The following ASCC1 variants were observed in gnomAD, a reference collection of about 807,000 sequenced individuals.
ASCC1 encodes ASC-1 complex subunit P50.
A neutral mutation model predicts 46.6 loss-of-function variants in ASCC1; 35 were observed. The ratio of observed to expected loss-of-function variants is 0.75; its 90% CI spans 0.57 to 0.99. The LOEUF (loss-of-function observed/expected upper bound fraction) is 0.99, where lower values mean the gene tolerates loss of function less well. Ranked by LOEUF, ASCC1 falls within the 50% of genes least tolerant of loss-of-function variation. The pLI is 0.00. For synonymous variants in ASCC1, 143 were observed against 146.6 expected, an observed-to-expected ratio of 0.98 and a Z score of 0.18; for missense variants, 376 against 428.7, an observed-to-expected ratio of 0.88 and a Z score of 1.09.
chr10:72,170,483 C>T, intron 5 of ASCC1, among the ~76,000 whole-genome samples: 1 of 151,710 alleles, frequency 6.6e-6, no homozygotes, highest in Non-Finnish European at 1.5e-5. Context: ...TGGCACCGTG[C>T]CTGGAATCCT....
At chr10:72,170,003 C>A (rs1432726222) in intron 5 of ASCC1, among the ~76,000 whole-genome samples, 1 of 152,016 alleles carries the variant, frequency 6.6e-6, no homozygotes, top group Non-Finnish European at 1.5e-5. Flanking sequence ...GCCTGTAATC[C>A]CAGCTACTCA....
At chr10:72,107,644 C>A (rs1212520672) in intron 9 of ASCC1, among the ~76,000 whole-genome samples, 3 of 152,326 alleles carry the variant, frequency 2.0e-5, no homozygotes, top group South Asian at 4.1e-4. Context: ...ACACACATAC[C>A]TTCACCTAGG....
chr10:72,203,427 C>T lies in ASCC1; in HGVS notation c.310G>A (p.Val104Ile). The stretch of plus-strand genomic sequence containing the variant: ...GTAACTTATATCTACTGAGTCTCAC[C>T]AATTTCCCCGTCTTGTCCAGGTTTA... ...IPKPGQDGEI[V>I]ITGQHRNGVI... Residue 104 changes from valine (V) to isoleucine (I), a missense_variant and splice_region_variant, in exon 4 of 10, where the codon GTA becomes ATA. Transcript: ENST00000672957. 1 of 1,610,302 alleles carries T rather than the reference C, an allele frequency of 6.2e-7. No homozygotes were observed. Among genetic ancestry groups the T allele is most frequent in the Non-Finnish European group, 8.5e-7 (1 of 1,176,646 alleles).
At chr10:72,194,748 GT>G (rs1302614489) in intron 5 of ASCC1, among the ~76,000 whole-genome samples, 2 of 151,926 alleles carry the variant, frequency 1.3e-5, no homozygotes, top group Non-Finnish European at 2.9e-5. Flanking sequence ...GTTTTTGTTT[GT>G]TTTTTGTTTT....
At chr10:72,214,365 CTCTT>C (rs1858715787) in intron 1 of ASCC1, among the ~76,000 whole-genome samples, 1 of 138,674 alleles carries the variant, frequency 7.2e-6, no homozygotes, top group African/African-American at 2.7e-5. Flanking sequence ...TGCACAATAT[CTCTT>C]TTTTTTTTTT....
At chr10:72,123,916 T>C (rs770379634) in intron 9 of ASCC1, among the ~76,000 whole-genome samples, 1 of 152,248 alleles carries the variant, frequency 6.6e-6, no homozygotes, top group African/African-American at 2.4e-5. Flanking sequence ...CTCATGTACA[T>C]ATATAAATAT....
upstream of ASCC1, chr10:72,217,133 A>G (rs1355629494): frequency 1.1e-5 from 5 of 443,578 alleles, no homozygotes; most frequent in Non-Finnish European, 1.8e-5. Context: ...GAGGGTAGAA[A>G]GACTTTTCGA....
intron 1 of ASCC1, 150 bp from the exon 2 acceptor site, chr10:72,213,481 T>C: frequency 1.6e-6 from 1 of 607,378 alleles, no homozygotes. Flanking sequence ...ATTTCCCATC[T>C]GTAAACCAGT....
intron 7 of ASCC1, among the ~76,000 whole-genome samples, chr10:72,150,233 C>A (rs1364652785): frequency 6.6e-6 from 1 of 151,970 alleles, no homozygotes; most frequent in South Asian, 2.1e-4. Flanking sequence ...CAAAATAGCT[C>A]CTATGCCATT....
chr10:72,147,740 G>T (rs1162116967), intron 7 of ASCC1, among the ~76,000 whole-genome samples: 2 of 152,146 alleles, frequency 1.3e-5, no homozygotes, highest in African/African-American at 4.8e-5. Flanking sequence ...CATAAAAACA[G>T]TATTTATCTT....
intron 5 of ASCC1, among the ~76,000 whole-genome samples, chr10:72,184,400 T>C (rs60633439): frequency 0.14 from 20,929 of 152,092 alleles, 4,079 homozygotes; most frequent in African/African-American, 0.43. Context: ...TACCTAACTA[T>C]ATGCTGTCTA....
At chr10:72,208,883 T>C (rs1461392042) in intron 3 of ASCC1, among the ~76,000 whole-genome samples, 10 of 151,946 alleles carry the variant, frequency 6.6e-5, no homozygotes, top group Non-Finnish European at 1.5e-5. Context: ...AGCTGGTAGA[T>C]TCAAAAGATA....
chr10:72,134,482 T>C (rs1291752010), intron 7 of ASCC1: 1 of 152,328 alleles, frequency 6.6e-6, no homozygotes. Flanking sequence ...CGGTTTCCTA[T>C]GGTCTTCCAA....
Position 72,112,510 on chromosome 10 carries a change from T to C in ASCC1, c.958-15060A>G, listed in dbSNP as rs146106172. 6.0e-3 allele frequency among the ~76,000 whole-genome samples: 918 copies of C among 152,244 alleles called. 9 individuals are homozygous for C. The highest frequency in any genetic ancestry group is 0.021 in the African/African-American group (873 of 41,534). On this transcript the variant is annotated intron_variant, in intron 9 of 9. Transcript: ENST00000672957. ...TAGTGATGATGGTCGCGTAACAACATGAATGTACTTAATGCCACTGAATTG... is the reference window on the plus strand; with the variant it reads ...TAGTGATGATGGTCGCGTAACAACACGAATGTACTTAATGCCACTGAATTG...
intron 7 of ASCC1, among the ~76,000 whole-genome samples, chr10:72,152,055 G>C (rs577989003): frequency 6.8e-6 from 1 of 147,898 alleles, no homozygotes; most frequent in East Asian, 2.0e-4. Context: ...GCAGTGGTGT[G>C]ATCACGGCTC....
chr10:72,152,740 AAGAG>A lies in ASCC1; in HGVS notation c.746+125_746+128del, dbSNP rs968795419. 13 of 1,147,428 alleles carry A rather than the reference AAGAG, an allele frequency of 1.1e-5. No homozygotes were observed. In the African/African-American group the frequency reaches 1.4e-4, roughly 13 times the overall value. 71.1% of individuals were successfully genotyped at this position (1,147,428 alleles called of 1,614,324 possible). On this transcript the variant is annotated intron_variant, in intron 7 of 9. Transcript: ENST00000672957. ...AGAGATTAACTTACTATTAAAAAAA[AAGAG>A]AGAGAAATAATTAACATGTTCTTTA...
At chr10:72,207,398 A>G (rs1857375232) in intron 3 of ASCC1, among the ~76,000 whole-genome samples, 1 of 152,246 alleles carries the variant, frequency 6.6e-6, no homozygotes, top group African/African-American at 2.4e-5. Context: ...CGAGTAACAG[A>G]GTGAGAATCC....
chr10:72,102,092 T>C (rs541291811), intron 9 of ASCC1, among the ~76,000 whole-genome samples: 2 of 152,164 alleles, frequency 1.3e-5, no homozygotes, highest in South Asian at 2.1e-4. Context: ...CCGTGACACA[T>C]GTTTACCTGT....
chr10:72,195,139 G>GTTTTTTTTTTTTTTTTT (rs142672810), intron 5 of ASCC1, among the ~76,000 whole-genome samples: 4 of 61,020 alleles, frequency 6.6e-5, no homozygotes, highest in Non-Finnish European at 1.2e-4. Flanking sequence ...TTTTTGCTGT[G>GTTTTTTTTTTTTTTTTT]TTTTTTTTTT....
Sources: gnomAD v4.1 joint callset for allele counts (sites outside exome capture counted in the v4.1 genomes callset) on GRCh38, gnomAD v4.1.1 for gene constraint, MANE v1.5 for transcripts, NCBI Gene and HGNC (gene_info 2026-07-23, HGNC 2026-07-21) for gene names.